KCNH1: variants seen among roughly 807,000 people sequenced by gnomAD.
The protein encoded by KCNH1 is potassium voltage-gated channel subfamily H member 1, also known as voltage-gated delayed rectifier potassium channel KCNH1.
KCNH1 carries 27 observed loss-of-function variants against 69.2 expected under a neutral mutation model. That is an observed-to-expected ratio of 0.39 (90% confidence interval 0.29 to 0.54). The LOEUF (loss-of-function observed/expected upper bound fraction) is 0.54, where lower values mean the gene tolerates loss of function less well. Among genes scored for constraint, KCNH1 ranks in the 20% least tolerant of loss-of-function variants. The pLI is 0.68. For synonymous variants in KCNH1, 456 were observed against 487.7 expected, an observed-to-expected ratio of 0.93 and a Z score of 0.86; for missense variants, 798 against 1,261.6, an observed-to-expected ratio of 0.63 and a Z score of 5.57.
chr1:210,982,468 G>A (rs1688733321), intron 6 of KCNH1, among the ~76,000 whole-genome samples: 1 of 151,536 alleles, frequency 6.6e-6, no homozygotes, highest in African/African-American at 2.4e-5. Flanking sequence ...CCCTTCCTGT[G>A]TCCATGTCTT....
intron 7 of KCNH1, among the ~76,000 whole-genome samples, chr1:210,813,144 C>T (rs946322448): frequency 3.3e-5 from 5 of 152,166 alleles, no homozygotes; most frequent in African/African-American, 7.2e-5. Context: ...CTAGAGTCAA[C>T]TATCATGACA....
intron 10 of KCNH1, among the ~76,000 whole-genome samples, chr1:210,772,952 A>G (rs780683523): frequency 1.3e-5 from 2 of 152,060 alleles, no homozygotes; most frequent in Non-Finnish European, 2.9e-5. Context: ...CTGAGGTGTC[A>G]TTGTTTTTGT....
At chr1:210,927,353 A>T (rs149995027) in intron 6 of KCNH1, among the ~76,000 whole-genome samples, 1 of 152,204 alleles carries the variant, frequency 6.6e-6, no homozygotes, top group Admixed American at 6.5e-5. Flanking sequence ...TCAGATTAAC[A>T]GCAGATTTCT....
At position 210,964,765 on chromosome 1, in the gene KCNH1, T is replaced by C. The variant is rs372353614; in HGVS notation, c.1033-44696A>G. Among the ~76,000 whole-genome samples the C allele has an allele frequency of 1.2e-4, 18 of 152,184 alleles. No individual in the cohort carries two copies. The East Asian group carries it at 3.1e-3, about 26-fold the overall frequency. On this transcript the variant is annotated intron_variant, in intron 6 of 10. Coordinates refer to ENST00000271751, the MANE Select transcript of KCNH1 (RefSeq NM_172362.3). ...AACTCATTTTATGAGGCCAGCATCA[T>C]CCTGATATCAAAACCTGGCAGAGAC...
At chr1:210,931,644 C>A (rs778252419) in intron 6 of KCNH1, among the ~76,000 whole-genome samples, 1 of 151,790 alleles carries the variant, frequency 6.6e-6, no homozygotes, top group African/African-American at 2.4e-5. Context: ...AACAACTGTT[C>A]CCCAGAAACC....
intron 6 of KCNH1, among the ~76,000 whole-genome samples, chr1:210,999,999 G>A (rs1165205010): frequency 2.0e-5 from 3 of 152,152 alleles, no homozygotes; most frequent in Non-Finnish European, 4.4e-5. Flanking sequence ...ATTAGGTATT[G>A]ATGGGATGTA....
At chr1:211,071,818 G>C (rs961662624) in intron 5 of KCNH1, among the ~76,000 whole-genome samples, 1 of 152,062 alleles carries the variant, frequency 6.6e-6, no homozygotes, top group African/African-American at 2.4e-5. Flanking sequence ...CATATTAGTG[G>C]ACTCACATAG....
At position 211,133,832 on chromosome 1, in the gene KCNH1, C is replaced by T. The variant is rs1185596272; in HGVS notation, c.79+35G>A. On this transcript the variant is annotated intron_variant, in intron 1 of 10. Transcript: ENST00000271751. This position sits in a 1 kb window ranked among gnomAD's most constrained non-coding sequence, Gnocchi z 5.4. ...TTCTGCAATAAAGGCACGGATAAAA[C>T]GCCCGGGTAATCGAAATCCGAATGC... 2.5e-6 allele frequency: 4 copies of T among 1,584,812 alleles called. No individual in the cohort carries two copies. In the Admixed American group the frequency reaches 5.1e-5, roughly 20 times the overall value.
chr1:210,772,645 C>T (rs2102366426), intron 10 of KCNH1, among the ~76,000 whole-genome samples: 1 of 152,224 alleles, frequency 6.6e-6, no homozygotes, highest in South Asian at 2.1e-4. Flanking sequence ...TAGTTTGACT[C>T]TCCAACAGTC....
At chr1:211,119,878 G>A (rs1384277323) in intron 1 of KCNH1, among the ~76,000 whole-genome samples, 1 of 152,052 alleles carries the variant, frequency 6.6e-6, no homozygotes, top group Non-Finnish European at 1.5e-5. Context: ...AATTTCAAAA[G>A]CAAACTCAAA....
At chr1:210,904,710 T>A (rs1687065588) in intron 7 of KCNH1, among the ~76,000 whole-genome samples, 1 of 152,134 alleles carries the variant, frequency 6.6e-6, no homozygotes. Context: ...GGAAGAGGAA[T>A]GGAGTAATAA....
chr1:210,850,627 A>G (rs1388061647), intron 7 of KCNH1, among the ~76,000 whole-genome samples: 1 of 152,224 alleles, frequency 6.6e-6, no homozygotes, highest in African/African-American at 2.4e-5. Flanking sequence ...CACTCCTCCC[A>G]CAGTTCTGCT....
At chr1:211,041,047 C>T (rs1426389942) in intron 5 of KCNH1, among the ~76,000 whole-genome samples, 2 of 152,182 alleles carry the variant, frequency 1.3e-5, no homozygotes, top group Non-Finnish European at 2.9e-5. Context: ...CATCTTTAGA[C>T]ATAAATCAAC....
At chr1:210,868,982 G>T (rs924831435) in intron 7 of KCNH1, among the ~76,000 whole-genome samples, 1 of 152,088 alleles carries the variant, frequency 6.6e-6, no homozygotes, top group African/African-American at 2.4e-5. Flanking sequence ...GCTTTTGTTT[G>T]CCTGAAAAAG....
chr1:210,760,031 C>T (rs142043911), intron 10 of KCNH1, among the ~76,000 whole-genome samples: 91 of 152,254 alleles, frequency 6.0e-4, no homozygotes, highest in African/African-American at 2.0e-3. Flanking sequence ...GTGAGCTGTG[C>T]ACGCGAGGAA....
chr1:210,820,665 C>T (rs762131680), intron 7 of KCNH1, among the ~76,000 whole-genome samples: 11 of 151,966 alleles, frequency 7.2e-5, no homozygotes, highest in African/African-American at 1.2e-4. Context: ...AGGAACTTTG[C>T]GGATTGATTA....
intron 7 of KCNH1, chr1:210,858,953 A>C: frequency 3.2e-5 from 12 of 370,548 alleles, no homozygotes; most frequent in Non-Finnish European, 4.0e-5. Flanking sequence ...CCCCTAAGGT[A>C]CCTCCAATCC....
intron 7 of KCNH1, among the ~76,000 whole-genome samples, chr1:210,806,855 A>ATATATATATATATAT (rs1553346606): frequency 3.9e-5 from 5 of 127,354 alleles, no homozygotes; most frequent in Admixed American, 8.0e-5. Context: ...ATATATATAT[A>ATATATATATATATAT]AATTTGCCGG....
At chr1:210,856,803 A>ATATATATAT (rs376407298) in intron 7 of KCNH1, among the ~76,000 whole-genome samples, 28,718 of 128,868 alleles carry the variant, frequency 0.22, 3,682 homozygotes, top group African/African-American at 0.3. Context: ...ATTTATATTT[A>ATATATATAT]TATATATATT....
Sources: allele counts gnomAD v4.1 joint callset (sites outside exome capture counted in the v4.1 genomes callset), GRCh38; gene constraint gnomAD v4.1.1; non-coding constraint Gnocchi (gnomAD v3.1); transcripts MANE v1.5; gene names NCBI Gene and HGNC (gene_info 2026-07-23, HGNC 2026-07-21).